MECR: variants seen among roughly 807,000 people sequenced by gnomAD.
MECR encodes the protein mitochondrial trans-2-enoyl-CoA reductase, also known as enoyl-[acyl-carrier-protein] reductase, mitochondrial.
Under a neutral mutation model 49.1 loss-of-function variants are expected in MECR, and 37 were observed. The observed-to-expected ratio is 0.75, with a 90% CI of 0.58 to 0.99. The LOEUF (loss-of-function observed/expected upper bound fraction) is 0.99. Among genes scored for constraint, MECR ranks in the 50% least tolerant of loss-of-function variants. MECR has a pLI of 0.00. For missense variants in MECR, 470 were observed against 479.6 expected (o/e 0.98, Z 0.19); for synonymous variants, 198 against 191.1 (o/e 1.04, Z -0.30).
the MECR span, chr1:29,169,064 A>C: frequency 6.6e-6 from 1 of 152,218 alleles, no homozygotes; most frequent in Non-Finnish European, 1.5e-5. Context: ...TCTTCTTCAC[A>C]TTTCTTTGTA....
chr1:29,181,046 G>A, the MECR span, among the ~76,000 whole-genome samples: 1 of 152,324 alleles, frequency 6.6e-6, no homozygotes, highest in East Asian at 1.9e-4. Flanking sequence ...CTCTTGCAGA[G>A]GGAACGGTGA....
chr1:29,197,292 C>CA (rs1276154078), intron 7 of MECR, among the ~76,000 whole-genome samples: 1 of 152,194 alleles, frequency 6.6e-6, no homozygotes, highest in Non-Finnish European at 1.5e-5. Flanking sequence ...GCCCAGACCT[C>CA]ATCTCTTCAT....
intron 4 of MECR, among the ~76,000 whole-genome samples, chr1:29,206,117 C>T (rs1676518207): frequency 6.6e-6 from 1 of 152,192 alleles, no homozygotes; most frequent in East Asian, 1.9e-4. Context: ...ACTGTATGCC[C>T]AGCACTGTGT....
intron 7 of MECR, among the ~76,000 whole-genome samples, chr1:29,196,661 C>A (rs1444302250): frequency 2.6e-5 from 4 of 152,016 alleles, no homozygotes; most frequent in Admixed American, 6.6e-5. Context: ...GCACTCCAGT[C>A]TGGGCAACAG....
intron 1 of MECR, among the ~76,000 whole-genome samples, chr1:29,221,386 T>C (rs1381661252): frequency 6.6e-6 from 1 of 152,102 alleles, no homozygotes; most frequent in Non-Finnish European, 1.5e-5. Context: ...GAAGAAAGGA[T>C]ACCATAGTTT....
chr1:29,229,888 T>C (rs1255902032), intron 1 of MECR, among the ~76,000 whole-genome samples: 2 of 152,224 alleles, frequency 1.3e-5, no homozygotes, highest in African/African-American at 2.4e-5. Context: ...TGACATACTA[T>C]TTTTATCAAC....
At chr1:29,195,481 C>A (rs1016814764) in intron 9 of MECR, among the ~76,000 whole-genome samples, 4 of 152,208 alleles carry the variant, frequency 2.6e-5, no homozygotes, top group African/African-American at 7.2e-5. Flanking sequence ...TGACTTTGGG[C>A]ACGCTACTTA....
rs777653562 is a variant in MECR at position 29,194,027 on chromosome 1, T to C, written c.1117A>G (p.Met373Val). ...PFISSKQILT[M>V] ...CTCCAGCTCTTTTGGGATGATCACA[T>C]GGTGAGAATCTGCTTTGAAGATATG... The change falls in exon 10 of 10, where the codon ATG (methionine) becomes GTG (valine). Residue 373 changes from methionine to valine, a missense_variant. Coordinates refer to ENST00000263702, the MANE Select transcript of MECR (RefSeq NM_016011.5). 20 of 1,613,966 alleles carry C rather than the reference T, an allele frequency of 1.2e-5. No individual in the cohort carries two copies. In the South Asian group the frequency reaches 2.0e-4, roughly 16 times the overall value.
Position 29,216,468 on chromosome 1 carries a change from A to C in MECR, c.274+120T>G, listed in dbSNP as rs1021502012. 6.6e-6 allele frequency: 7 copies of C among 1,056,892 alleles called. No individual in the cohort carries two copies. The Admixed American group carries it at 9.0e-5, about 14-fold the overall frequency. The allele number at this position is 1,056,892 out of a possible 1,614,324, so 65.5% of individuals were successfully genotyped here. On this transcript the variant is annotated intron_variant, in intron 2 of 9. Transcript: ENST00000263702. ...GGCTGACACAGCCTGCAGACGGCTC[A>C]TCTGGAGAACAGCTGCTGCTAATCA...
In MECR at chr1:29,193,924, C is replaced by T. The variant is rs11544661; in HGVS notation, c.*98G>A. ...TAATAGGAAGAGGCAGTGAGGAGAA[C>T]AGTAGTCTGGGGAAGGTGGGAGCCC... On this transcript the variant is annotated 3_prime_UTR_variant, in exon 10 of 10. Coordinates refer to ENST00000263702, the MANE Select transcript of MECR (RefSeq NM_016011.5). The T allele has an allele frequency of 6.3e-5, 90 of 1,426,316 alleles. No individual in the cohort carries two copies. The highest frequency in any genetic ancestry group is 8.2e-5 in the Non-Finnish European group (85 of 1,037,710). The allele number at this position is 1,426,316 out of a possible 1,614,324, so 88.4% of individuals were successfully genotyped here.
intron 4 of MECR, 49 bp downstream of exon 4, chr1:29,206,713 A>G (rs1375091433): frequency 1.2e-6 from 2 of 1,601,964 alleles, no homozygotes; most frequent in Non-Finnish European, 1.7e-6. Context: ...TGTGAGTGGC[A>G]CCCTAGTTGC....
chr1:29,207,113 T>C (rs571058297), intron 3 of MECR, among the ~76,000 whole-genome samples: 36 of 152,126 alleles, frequency 2.4e-4, no homozygotes, highest in African/African-American at 8.4e-4. Context: ...GCACAATAGA[T>C]TGTTATTCTT....
At chr1:29,174,188 C>T in the MECR span, among the ~76,000 whole-genome samples, 1 of 117,360 alleles carries the variant, frequency 8.5e-6, no homozygotes, top group Non-Finnish European at 1.7e-5. Flanking sequence ...ATTGAGACCC[C>T]ATCTCAAAAA....
chr1:29,194,175 C>T lies in MECR; in HGVS notation c.969G>A (p.Gln323=), dbSNP rs372657413. The T allele has an allele frequency of 1.0e-5, 16 of 1,605,392 alleles. No individual in the cohort carries two copies. Among genetic ancestry groups the T allele is most frequent in the Non-Finnish European group, 1.3e-5 (15 of 1,175,776 alleles). Reference sequence around the variant, plus strand: ...ACAGTGTGAGGATCAGCTCCTTGAACTGGTCTGCGGGAGGTTGGAGGAAAT... The same window carrying T: ...ACAGTGTGAGGATCAGCTCCTTGAATTGGTCTGCGGGAGGTTGGAGGAAAT... ...SQWKKDHSPD[Q]FKELILTLCD... is the part of the protein sequence containing the mutation. Residue 323 remains glutamine (Q), a synonymous_variant, in exon 10 of 10, where the codon CAG becomes CAA. Coordinates refer to ENST00000263702, the MANE Select transcript of MECR (RefSeq NM_016011.5).
At chr1:29,216,441 A>T in intron 2 of MECR, 147 bp downstream of exon 2, 2 of 875,112 alleles carry the variant, frequency 2.3e-6, no homozygotes, top group East Asian at 4.8e-5. Flanking sequence ...GAGGCCAGAC[A>T]GGGCTGACAC....
chr1:29,172,486 C>G, the MECR span: 1 of 151,988 alleles, frequency 6.6e-6, no homozygotes, highest in Non-Finnish European at 1.5e-5. Context: ...GAGACAGGGT[C>G]TCATCATGTT....
chr1:29,192,998 GCAGTGGCATGAT>G lies in MECR; in HGVS notation c.*1012_*1023del, dbSNP rs886368464. 2.7e-5 allele frequency: 4 copies of G among 149,584 alleles called. No homozygotes were observed. The highest frequency in any genetic ancestry group is 7.4e-5 in the African/African-American group (3 of 40,472). 9.3% of individuals were successfully genotyped at this position (149,584 alleles called of 1,614,324 possible). A position where few individuals can be genotyped will look rare whatever the true frequency, so the allele number is the denominator to read the frequency against. ...CTTGCTCTGTTGCCTAGGCTGGAAT[GCAGTGGCATGAT>G]CATGGCTCACTGCAGTCTAGACCTC... is the stretch of plus-strand genomic sequence containing the variant. On this transcript the variant is annotated 3_prime_UTR_variant, in exon 10 of 10. Transcript: ENST00000263702.
At chr1:29,199,820 C>A (rs1259299835) in intron 7 of MECR, among the ~76,000 whole-genome samples, 1 of 152,064 alleles carries the variant, frequency 6.6e-6, no homozygotes, top group African/African-American at 2.4e-5. Context: ...GGAGTTTTGC[C>A]ATGTTGGCCA....
chr1:29,220,483 C>G (rs1680512530), intron 1 of MECR, among the ~76,000 whole-genome samples: 2 of 152,312 alleles, frequency 1.3e-5, no homozygotes, highest in South Asian at 4.2e-4. Flanking sequence ...ACTTGCTCTT[C>G]CTCGTTTTAG....
Sources: allele counts gnomAD v4.1 joint callset (sites outside exome capture counted in the v4.1 genomes callset), GRCh38; gene constraint gnomAD v4.1.1; transcripts MANE v1.5; gene names NCBI Gene and HGNC (gene_info 2026-07-23, HGNC 2026-07-21).